The following PDE2A variants were observed in gnomAD, a reference collection of about 807,000 sequenced individuals.
PDE2A encodes cGMP-dependent 3',5'-cyclic phosphodiesterase.
In PDE2A, 53 loss-of-function variants were observed where a neutral mutation model predicts 133.6. The observed-to-expected ratio is 0.40, with a 90% CI of 0.32 to 0.50. The LOEUF (loss-of-function observed/expected upper bound fraction) is 0.50, where lower values mean the gene tolerates loss of function less well. PDE2A is among the 20% of genes least tolerant of loss of function. PDE2A has a pLI of 0.73. For synonymous variants in PDE2A, 491 were observed against 490.2 expected (o/e 1.00, Z -0.02); for missense variants, 796 against 1,232.4 (o/e 0.65, Z 5.30).
At chr11:72,579,678 G>T in intron 25 of PDE2A, 70 bp from the exon 26 acceptor site, 1 of 1,087,204 alleles carries the variant, frequency 9.2e-7, no homozygotes. Flanking sequence ...CCCAAGAGAG[G>T]AAGCAGGGGC....
At chr11:72,626,047 C>G (rs1858047827) in intron 2 of PDE2A, among the ~76,000 whole-genome samples, 1 of 152,262 alleles carries the variant, frequency 6.6e-6, no homozygotes, top group African/African-American at 2.4e-5. Context: ...CCAGCTCCTG[C>G]CTTTCCCTGA....
chr11:72,612,005 AG>A (rs1857229357), intron 2 of PDE2A, among the ~76,000 whole-genome samples: 1 of 152,180 alleles, frequency 6.6e-6, no homozygotes, highest in South Asian at 2.1e-4. Context: ...AATGGGAAGC[AG>A]GGAGATTCCT....
intron 1 of PDE2A, 23 bp downstream of exon 1, chr11:72,674,114 C>T (rs1305682756): frequency 6.2e-7 from 1 of 1,610,238 alleles, no homozygotes; most frequent in Admixed American, 1.7e-5. Context: ...CCGCTCACCA[C>T]CCCAGCCCCT....
chr11:72,627,427 G>GT (rs1858137520), intron 2 of PDE2A, among the ~76,000 whole-genome samples: 1 of 152,366 alleles, frequency 6.6e-6, no homozygotes, highest in East Asian at 1.9e-4. Context: ...CACAAAGGAG[G>GT]TGACATTTCA....
intron 1 of PDE2A, among the ~76,000 whole-genome samples, chr11:72,673,677 AT>A (rs1446183652): frequency 2.0e-5 from 3 of 151,182 alleles, no homozygotes; most frequent in Non-Finnish European, 4.4e-5. Context: ...TCTTATTCAT[AT>A]TTTCTCCATC....
At chr11:72,596,796 G>T in intron 5 of PDE2A, 148 bp from the exon 6 acceptor site, 1 of 426,176 alleles carries the variant, frequency 2.3e-6, no homozygotes. Context: ...CAGAAACACA[G>T]AGGCGGGTCC....
intron 2 of PDE2A, among the ~76,000 whole-genome samples, chr11:72,615,895 A>G (rs1218460123): frequency 6.6e-6 from 1 of 152,174 alleles, no homozygotes; most frequent in Non-Finnish European, 1.5e-5. Flanking sequence ...CCTAGTCCCC[A>G]AGGGTGTGCA....
At chr11:72,625,989 C>T (rs532050241) in intron 2 of PDE2A, among the ~76,000 whole-genome samples, 3 of 152,368 alleles carry the variant, frequency 2.0e-5, no homozygotes, top group East Asian at 1.9e-4. Context: ...AGCCCGGGGC[C>T]GCAGCATCTG....
intron 3 of PDE2A, among the ~76,000 whole-genome samples, chr11:72,605,745 G>A (rs138895933): frequency 4.6e-5 from 7 of 152,332 alleles, no homozygotes; most frequent in Non-Finnish European, 8.8e-5. Flanking sequence ...GCCATCCTCC[G>A]GTGGGGCTGG....
Position 72,591,287 on chromosome 11 carries a change from TC to T in PDE2A, c.549+9del. ...TCAGCCTCATTGCACATGGCCCCACTCCCACTCACATGCTTCTCCACCGCCT... is the reference window on the plus strand; with the variant it reads ...TCAGCCTCATTGCACATGGCCCCACTCCACTCACATGCTTCTCCACCGCCT... On this transcript the variant is annotated intron_variant, in intron 7 of 30. Transcript: ENST00000334456. The T allele has an allele frequency of 6.2e-7, 1 of 1,610,532 alleles. No individual in the cohort carries two copies. The highest frequency in any genetic ancestry group is 1.3e-5 in the African/African-American group (1 of 74,930).
At position 72,579,623 on chromosome 11, in the gene PDE2A, G is replaced by T; in HGVS notation, c.2182-15C>A. The T allele has an allele frequency of 6.3e-7, 1 of 1,598,488 alleles. No homozygotes were observed. The highest frequency in any genetic ancestry group is 1.7e-5 in the Admixed American group (1 of 59,908). ...AAGTGGTGCCTCTGGGGGGAGAGGA[G>T]TGATGGGGGCCCAGCTGGGGCAGAT... On this transcript the variant is annotated splice_polypyrimidine_tract_variant and intron_variant, in intron 25 of 30. Coordinates refer to ENST00000334456, the MANE Select transcript of PDE2A (RefSeq NM_002599.5).
intron 2 of PDE2A, chr11:72,614,976 C>A: frequency 2.7e-6 from 1 of 373,250 alleles, no homozygotes; most frequent in Non-Finnish European, 6.2e-6. Flanking sequence ...TTCTCTTCCT[C>A]CCCTCCCTCC....
At chr11:72,663,726 CAAAA>C (rs35814877) in intron 1 of PDE2A, among the ~76,000 whole-genome samples, 2 of 111,822 alleles carry the variant, frequency 1.8e-5, no homozygotes. Context: ...AAGACTGTCT[CAAAA>C]AAAAAAAAAA....
intron 1 of PDE2A, among the ~76,000 whole-genome samples, chr11:72,669,682 C>T (rs1005820799): frequency 2.0e-5 from 3 of 152,132 alleles, no homozygotes; most frequent in East Asian, 1.9e-4. Context: ...GGTAGGAGGC[C>T]GGCATAATAA....
At chr11:72,582,619 C>T (rs1318478157) in intron 20 of PDE2A, 53 bp from the exon 21 acceptor site, 12 of 1,542,426 alleles carry the variant, frequency 7.8e-6, no homozygotes, top group Non-Finnish European at 9.7e-6. Context: ...CATCTGGTGT[C>T]TTCACCCTCA....
At chr11:72,603,092 C>T (rs1184663046) in intron 4 of PDE2A, among the ~76,000 whole-genome samples, 2 of 152,166 alleles carry the variant, frequency 1.3e-5, no homozygotes, top group East Asian at 3.8e-4. Context: ...GGAAAGAATT[C>T]CTGTTTGGGG....
intron 4 of PDE2A, chr11:72,599,054 C>A: frequency 1.0e-6 from 1 of 984,942 alleles, no homozygotes; most frequent in Non-Finnish European, 1.2e-6. Context: ...CCTGGCCAAA[C>A]CCTGCCCAGC....
intron 1 of PDE2A, among the ~76,000 whole-genome samples, chr11:72,673,767 C>A (rs1855438340): frequency 6.6e-6 from 1 of 151,790 alleles, no homozygotes; most frequent in South Asian, 2.1e-4. Context: ...CCTGAACCAG[C>A]CTATTGCAGC....
chr11:72,601,017 T>A (rs1856717922), intron 4 of PDE2A, among the ~76,000 whole-genome samples: 1 of 150,988 alleles, frequency 6.6e-6, no homozygotes, highest in African/African-American at 2.4e-5. Flanking sequence ...TGTGTCCTTC[T>A]CGCGTTCTCT....
Sources: allele counts gnomAD v4.1 joint callset (sites outside exome capture counted in the v4.1 genomes callset), GRCh38; gene constraint gnomAD v4.1.1; transcripts MANE v1.5; gene names NCBI Gene and HGNC (gene_info 2026-07-23, HGNC 2026-07-21).